LIPH: variants seen among roughly 807,000 people sequenced by gnomAD.
The protein encoded by LIPH is lipase H.
LIPH carries 32 observed loss-of-function variants against 47.6 expected under a neutral mutation model. The observed-to-expected ratio is 0.67, with a 90% CI of 0.51 to 0.90. The LOEUF (loss-of-function observed/expected upper bound fraction) is 0.90, where lower values mean the gene tolerates loss of function less well. Ranked by LOEUF, LIPH falls within the 40% of genes least tolerant of loss-of-function variation. The pLI is 0.00. For synonymous variants in LIPH, 190 were observed against 195.6 expected, an observed-to-expected ratio of 0.97 and a Z score of 0.24; for missense variants, 497 against 541.4, an observed-to-expected ratio of 0.92 and a Z score of 0.81.
chr3:185,529,914 G>GAAAGAGAGAAAGA (rs1478310117), intron 3 of LIPH, among the ~76,000 whole-genome samples: 15 of 34,338 alleles, frequency 4.4e-4, no homozygotes, highest in African/African-American at 1.2e-3. Flanking sequence ...AGAAAAGAAA[G>GAAAGAGAGAAAGA]AAAGAAAGAA....
At position 185,534,919 on chromosome 3, in the gene LIPH, A is replaced by G. The variant is rs749959955; in HGVS notation, c.263T>C (p.Met88Thr). 6.2e-7 allele frequency: 1 copy of G among 1,614,000 alleles called. No homozygotes were observed. The highest frequency in any genetic ancestry group is 8.5e-7 in the Non-Finnish European group (1 of 1,179,854). Residue 88 changes from methionine (M) to threonine (T), a missense_variant, in exon 2 of 10, where the codon ATG becomes ACG. By Grantham distance (81) the Met-to-Thr change is moderately conservative. Coordinates refer to ENST00000296252, the MANE Select transcript of LIPH (RefSeq NM_139248.3). ...FRPTGSPPVW[M>T]DDLVKGLLSV... ...GAGCAAACCCTTTACTAAGTCATCC[A>G]TCCAAACAGGAGGGGAGCCTGTTGG...
At chr3:185,515,744 T>C (rs575408307) in intron 7 of LIPH, among the ~76,000 whole-genome samples, 1 of 152,282 alleles carries the variant, frequency 6.6e-6, no homozygotes, top group Non-Finnish European at 1.5e-5. Flanking sequence ...TTGGCCAGGC[T>C]GGTCTCAAAC....
At chr3:185,527,445 C>G (rs1352281956) in intron 4 of LIPH, 39 bp downstream of exon 4, 6 of 1,343,242 alleles carry the variant, frequency 4.5e-6, no homozygotes, top group South Asian at 1.2e-5. Flanking sequence ...TCTTTAGGAG[C>G]CTGGCGGTGT....
intron 3 of LIPH, among the ~76,000 whole-genome samples, chr3:185,531,692 G>A (rs1239651174): frequency 6.6e-6 from 1 of 152,092 alleles, no homozygotes; most frequent in African/African-American, 2.4e-5. Context: ...GCCAACCTGG[G>A]CAACAACATG....
chr3:185,531,219 T>C (rs1046301856), intron 3 of LIPH, among the ~76,000 whole-genome samples: 1 of 152,120 alleles, frequency 6.6e-6, no homozygotes, highest in African/African-American at 2.4e-5. Flanking sequence ...TTCCTTTAAT[T>C]TATAAAATGG....
intron 3 of LIPH, among the ~76,000 whole-genome samples, chr3:185,530,932 G>T (rs1400217361): frequency 6.6e-6 from 1 of 152,148 alleles, no homozygotes; most frequent in Non-Finnish European, 1.5e-5. Context: ...CCAGATTCAT[G>T]ATGAATAAAA....
chr3:185,522,654 G>GAAAGAAAGAAAGAAAGA (rs1719939024), intron 5 of LIPH, among the ~76,000 whole-genome samples: 2 of 30,700 alleles, frequency 6.5e-5, no homozygotes, highest in African/African-American at 1.7e-4. Flanking sequence ...GAAAGAAAAA[G>GAAAGAAAGAAAGAAAGA]AAAGAAAGAA....
chr3:185,536,544 G>A (rs914504977), intron 1 of LIPH, among the ~76,000 whole-genome samples: 1 of 152,130 alleles, frequency 6.6e-6, no homozygotes, highest in East Asian at 1.9e-4. Context: ...TCATCTTGGG[G>A]TCCTTGCCCA....
In LIPH at chr3:185,534,930, AG is replaced by A; in HGVS notation, c.251del (p.Pro84LeufsTer8). The A allele has an allele frequency of 6.2e-7, 1 of 1,614,000 alleles. No homozygotes were observed. Among genetic ancestry groups the A allele is most frequent in the Non-Finnish European group, 8.5e-7 (1 of 1,179,854 alleles). Reference sequence around the variant, plus strand: ...TTACTAAGTCATCCATCCAAACAGGAGGGGAGCCTGTTGGCCTGAATCCATG... The same window carrying A: ...TTACTAAGTCATCCATCCAAACAGGAGGGAGCCTGTTGGCCTGAATCCATG... ...IVHGFRPTGS[P>X]PVWMDDLVKG... On this transcript the variant is annotated frameshift_variant, in exon 2 of 10. Coordinates refer to ENST00000296252, the MANE Select transcript of LIPH (RefSeq NM_139248.3).
Position 185,534,876 on chromosome 3 carries a change from G to C in LIPH, c.306C>G (p.Asn102Lys). ...CTCGATTCCAATCAACAACAACTAC[G>C]TTCATGTCTTCAACAGAGAGCAAAC... The part of the protein sequence containing the change: ...VKGLLSVEDM[N>K]VVVVDWNRGA... The change falls in exon 2 of 10, where the codon AAC becomes AAG. Residue 102 changes from asparagine (N) to lysine (K), a missense_variant. Physicochemically the swap from Asn to Lys is moderately conservative, Grantham distance 94. Transcript: ENST00000296252. The C allele has an allele frequency of 6.2e-7, 1 of 1,614,172 alleles. No homozygotes were observed. Among genetic ancestry groups the C allele is most frequent in the Non-Finnish European group, 8.5e-7 (1 of 1,180,018 alleles).
chr3:185,534,271 G>A (rs890257460), intron 2 of LIPH, among the ~76,000 whole-genome samples: 3 of 151,848 alleles, frequency 2.0e-5, no homozygotes, highest in Non-Finnish European at 4.4e-5. Context: ...CAAGAGAATC[G>A]CTTGAACCCG....
intron 9 of LIPH, among the ~76,000 whole-genome samples, chr3:185,510,544 A>G (rs1719529973): frequency 6.6e-6 from 1 of 152,164 alleles, no homozygotes. Flanking sequence ...AAGAACAAGG[A>G]CATTTTCAGT....
intron 1 of LIPH, among the ~76,000 whole-genome samples, chr3:185,542,719 AG>A (rs2148964228): frequency 1.3e-5 from 2 of 152,342 alleles, no homozygotes; most frequent in South Asian, 4.1e-4. Context: ...AATCAACCTA[AG>A]TGTCTCTCAA....
chr3:185,524,532 C>A (rs1205684291), intron 4 of LIPH, among the ~76,000 whole-genome samples: 1 of 151,560 alleles, frequency 6.6e-6, no homozygotes, highest in Non-Finnish European at 1.5e-5. Context: ...TCACTGCAAC[C>A]TCCACCTCCT....
chr3:185,522,830 T>C (rs185836936), intron 5 of LIPH, among the ~76,000 whole-genome samples: 308 of 152,226 alleles, frequency 2.0e-3, no homozygotes, highest in African/African-American at 6.1e-3. Flanking sequence ...TGATAGGAAA[T>C]AGTGATGCAA....
At chr3:185,535,882 C>T (rs1720489568) in intron 1 of LIPH, among the ~76,000 whole-genome samples, 1 of 152,182 alleles carries the variant, frequency 6.6e-6, no homozygotes, top group Admixed American at 6.5e-5. Flanking sequence ...GGATTACAGG[C>T]ATGAGCCACC....
At chr3:185,522,774 T>C (rs1719951063) in intron 5 of LIPH, among the ~76,000 whole-genome samples, 1 of 152,172 alleles carries the variant, frequency 6.6e-6, no homozygotes, top group Non-Finnish European at 1.5e-5. Flanking sequence ...TTTTAGAGTT[T>C]TTTCTCATTG....
At position 185,508,836 on chromosome 3, in the gene LIPH, A is replaced by G. The variant is rs773390799; in HGVS notation, c.1310T>C (p.Val437Ala). The G allele has an allele frequency of 6.2e-7, 1 of 1,614,068 alleles. No homozygotes were observed. The highest frequency in any genetic ancestry group is 8.5e-7 in the Non-Finnish European group (1 of 1,179,908). ...CRYDLVLMEN[V>A]ETVFQPILCP... ...AAGAATAGGTTGGAAGACTGTTTCAACGTTTTCCATCAGGACAAGATCATA... is the reference window on the plus strand; with the variant it reads ...AAGAATAGGTTGGAAGACTGTTTCAGCGTTTTCCATCAGGACAAGATCATA... The change falls in exon 10 of 10, where the codon GTT (valine) becomes GCT (alanine). Residue 437 changes from valine (V) to alanine (A), a missense_variant. By Grantham distance (64) the Val-to-Ala change is moderately conservative. Coordinates refer to ENST00000296252, the MANE Select transcript of LIPH (RefSeq NM_139248.3).
intron 6 of LIPH, among the ~76,000 whole-genome samples, chr3:185,518,673 T>C (rs114386813): frequency 0.076 from 11,552 of 152,196 alleles, 693 homozygotes; most frequent in African/African-American, 0.17. Context: ...AAAAAGTCTA[T>C]TTTTAAAATT....
Sources: allele counts gnomAD v4.1 joint callset (sites outside exome capture counted in the v4.1 genomes callset), GRCh38; gene constraint gnomAD v4.1.1; transcripts MANE v1.5; gene names NCBI Gene and HGNC (gene_info 2026-07-23, HGNC 2026-07-21).